The following RBFOX1 variants were observed in gnomAD, a reference collection of about 807,000 sequenced individuals.
The protein encoded by RBFOX1 is RNA binding protein fox-1 homolog 1.
In RBFOX1, 8 loss-of-function variants were observed where a neutral mutation model predicts 57.7. The observed-to-expected ratio is 0.14, with a 90% CI of 0.08 to 0.25. The LOEUF (loss-of-function observed/expected upper bound fraction) is 0.25. RBFOX1 is among the 10% of genes least tolerant of loss of function. The pLI is 1.00. For synonymous variants in RBFOX1, 326 were observed against 222.4 expected (o/e 1.47, Z -4.15); for missense variants, 611 against 548.5 (o/e 1.11, Z -1.14).
intron 4 of RBFOX1, among the ~76,000 whole-genome samples, chr16:7,464,875 T>G (rs1782886333): frequency 6.6e-6 from 1 of 151,798 alleles, no homozygotes; most frequent in Admixed American, 6.6e-5. Context: ...TTTTTTGTAT[T>G]TTTAGTAGAG....
chr16:6,901,175 C>T (rs1197199783), intron 3 of RBFOX1, among the ~76,000 whole-genome samples: 1 of 152,092 alleles, frequency 6.6e-6, no homozygotes, highest in Non-Finnish European at 1.5e-5. Context: ...TAGTGTCTAA[C>T]ATAGGTATTC....
At chr16:7,517,839 T>C (rs946066890) in intron 4 of RBFOX1, among the ~76,000 whole-genome samples, 2 of 139,154 alleles carry the variant, frequency 1.4e-5, no homozygotes, top group African/African-American at 5.4e-5. Context: ...AAAAAAAAAA[T>C]CAATCTAGTA....
chr16:5,580,659 G>A (rs1369143676), intron 2 of RBFOX1, among the ~76,000 whole-genome samples: 1 of 152,114 alleles, frequency 6.6e-6, no homozygotes, highest in Non-Finnish European at 1.5e-5. Context: ...GGATACCTTT[G>A]GGGAGAGGAT....
At chr16:5,394,930 G>A (rs557679168) in intron 1 of RBFOX1, among the ~76,000 whole-genome samples, 3 of 152,012 alleles carry the variant, frequency 2.0e-5, no homozygotes, top group African/African-American at 7.3e-5. Context: ...TGGCCACCTT[G>A]TGTCCAGCCG....
At chr16:7,624,990 G>C (rs1282351413) in intron 10 of RBFOX1, among the ~76,000 whole-genome samples, 3 of 152,334 alleles carry the variant, frequency 2.0e-5, no homozygotes, top group Non-Finnish European at 4.4e-5. Flanking sequence ...AGACCGGAGA[G>C]TGGGGCCTGG....
chr16:7,213,246 C>A (rs967746826), intron 4 of RBFOX1, among the ~76,000 whole-genome samples: 1 of 152,086 alleles, frequency 6.6e-6, no homozygotes, highest in Non-Finnish European at 1.5e-5. Flanking sequence ...AGTTTTTCCC[C>A]CTTTATCAGT....
rs146143865 is a variant in RBFOX1 at position 7,127,803 on chromosome 16, A to G, written c.27+75705A>G. On this transcript the variant is annotated intron_variant, in intron 4 of 15. Transcript: ENST00000550418. Reference sequence around the variant, plus strand: ...TGAAGCCTTGGCACATCTTGGTAGGATGACCTGACTGAGAGCAAAGGTCGT... The same window carrying G: ...TGAAGCCTTGGCACATCTTGGTAGGGTGACCTGACTGAGAGCAAAGGTCGT... 1.2e-3 allele frequency among the ~76,000 whole-genome samples: 179 copies of G among 152,342 alleles called. 1 individual carries two copies. The highest frequency in any genetic ancestry group is 4.1e-3 in the African/African-American group (172 of 41,586).
At chr16:7,242,371 A>G (rs140659978) in intron 4 of RBFOX1, among the ~76,000 whole-genome samples, 1 of 152,218 alleles carries the variant, frequency 6.6e-6, no homozygotes, top group Non-Finnish European at 1.5e-5. Context: ...AGGTTGTGCC[A>G]CATGACAGCT....
At chr16:6,945,126 G>A (rs1215259144) in intron 3 of RBFOX1, among the ~76,000 whole-genome samples, 2 of 152,144 alleles carry the variant, frequency 1.3e-5, no homozygotes, top group Non-Finnish European at 2.9e-5. Context: ...GGGTCACGCA[G>A]AGGTAGGGGC....
At chr16:6,407,859 G>T (rs1400623362) in intron 2 of RBFOX1, among the ~76,000 whole-genome samples, 1 of 152,136 alleles carries the variant, frequency 6.6e-6, no homozygotes, top group African/African-American at 2.4e-5. Flanking sequence ...CAGCCTTTGT[G>T]AGTAGATCCC....
At chr16:6,211,983 A>G (rs1382350207) in intron 1 of RBFOX1, among the ~76,000 whole-genome samples, 1 of 151,966 alleles carries the variant, frequency 6.6e-6, no homozygotes, top group Non-Finnish European at 1.5e-5. Flanking sequence ...CAGAGTAGCT[A>G]GGATTACAGG....
At chr16:6,429,605 C>T (rs2094021334) in intron 2 of RBFOX1, among the ~76,000 whole-genome samples, 2 of 152,138 alleles carry the variant, frequency 1.3e-5, no homozygotes, top group African/African-American at 4.8e-5. Context: ...GTAATAATCC[C>T]CATGTGTCAA....
chr16:6,951,403 G>T (rs540743366), intron 3 of RBFOX1, among the ~76,000 whole-genome samples: 2 of 152,028 alleles, frequency 1.3e-5, no homozygotes, highest in Admixed American at 6.6e-5. Context: ...AAACAATAAC[G>T]TACATTTATT....
intron 4 of RBFOX1, among the ~76,000 whole-genome samples, chr16:7,244,373 C>T (rs553355224): frequency 1.3e-5 from 2 of 152,060 alleles, no homozygotes; most frequent in African/African-American, 4.8e-5. Flanking sequence ...CAAGATGCAT[C>T]CCCATGGACC....
intron 4 of RBFOX1, among the ~76,000 whole-genome samples, chr16:7,177,093 G>A (rs143018885): frequency 6.8e-4 from 104 of 152,308 alleles, no homozygotes; most frequent in African/African-American, 2.5e-3. Flanking sequence ...AGCTGGTTCG[G>A]AGACAACTCC....
chr16:7,216,611 T>A (rs2092090029), intron 4 of RBFOX1, among the ~76,000 whole-genome samples: 1 of 152,072 alleles, frequency 6.6e-6, no homozygotes, highest in African/African-American at 2.4e-5. Context: ...TGAGCCCAGA[T>A]CGTACCGCTG....
chr16:6,261,679 C>T (rs868652365), intron 1 of RBFOX1, among the ~76,000 whole-genome samples: 5 of 152,060 alleles, frequency 3.3e-5, no homozygotes, highest in African/African-American at 1.2e-4. Flanking sequence ...CTCAGGAAAA[C>T]AGTGGCTTTT....
chr16:7,515,908 A>G (rs1269242689), intron 4 of RBFOX1, among the ~76,000 whole-genome samples: 2 of 151,784 alleles, frequency 1.3e-5, no homozygotes, highest in East Asian at 1.9e-4. Flanking sequence ...GCAGTGGTGC[A>G]CTCTCAGCTC....
At chr16:5,353,616 A>T (rs2065313833) in intron 1 of RBFOX1, among the ~76,000 whole-genome samples, 1 of 151,958 alleles carries the variant, frequency 6.6e-6, no homozygotes, top group African/African-American at 2.4e-5. Flanking sequence ...TCACATCAAG[A>T]GGTAGATGAT....
Sources: gnomAD v4.1 joint callset for allele counts (sites outside exome capture counted in the v4.1 genomes callset) on GRCh38, gnomAD v4.1.1 for gene constraint, MANE v1.5 for transcripts, NCBI Gene and HGNC (gene_info 2026-07-23, HGNC 2026-07-21) for gene names.